DNAH7: variants seen among roughly 807,000 people sequenced by gnomAD.
DNAH7 encodes the protein axonemal beta dynein heavy chain 7.
A neutral mutation model predicts 444.6 loss-of-function variants in DNAH7; 397 were observed. That is an observed-to-expected ratio of 0.89 (90% CI 0.82 to 0.97). The LOEUF (loss-of-function observed/expected upper bound fraction) is 0.97. DNAH7 is among the 50% of genes least tolerant of loss of function. DNAH7 has a pLI of 0.00. For missense variants in DNAH7, 4,902 were observed against 4,800.8 expected, an observed-to-expected ratio of 1.02 and a Z score of -0.62; for synonymous variants, 1,636 against 1,624.4, an observed-to-expected ratio of 1.01 and a Z score of -0.17.
At chr2:195,936,991 T>C (rs1689098688) in intron 19 of DNAH7, among the ~76,000 whole-genome samples, 199 bp from the exon 20 acceptor site, 1 of 152,096 alleles carries the variant, frequency 6.6e-6, no homozygotes, top group Non-Finnish European at 1.5e-5. Context: ...TCACATTGAT[T>C]TAATCCTCAG....
intron 18 of DNAH7, among the ~76,000 whole-genome samples, chr2:195,959,885 C>A (rs1281105291): frequency 6.6e-6 from 1 of 152,024 alleles, no homozygotes; most frequent in Non-Finnish European, 1.5e-5. Flanking sequence ...TATTATCTTC[C>A]GTTCACAGAT....
chr2:195,903,709 A>T (rs79257673), intron 27 of DNAH7: 1 of 152,298 alleles, frequency 6.6e-6, no homozygotes, highest in East Asian at 1.9e-4. Flanking sequence ...CAAAATCTGC[A>T]AAGGAAATGT....
intron 48 of DNAH7, among the ~76,000 whole-genome samples, chr2:195,833,393 C>T (rs1478343078): frequency 6.6e-6 from 1 of 152,288 alleles, no homozygotes. Flanking sequence ...TCTTAATGTG[C>T]ACAAATAAGG....
rs770861172 is a variant in DNAH7 at position 195,857,582 on chromosome 2, C to T, written c.8209G>A (p.Gly2737Ser). 2 of 1,613,732 alleles carry T rather than the reference C, an allele frequency of 1.2e-6. No homozygotes were observed. Among genetic ancestry groups the T allele is most frequent in the Admixed American group, 1.7e-5 (1 of 59,968 alleles). The change falls in exon 44 of 65, where the codon GGC becomes AGC. Residue 2737 changes from glycine (G) to serine (S), a missense_variant. By Grantham distance (56) the Gly-to-Ser change is moderately conservative. Coordinates refer to ENST00000312428, the MANE Select transcript of DNAH7 (RefSeq NM_018897.3). ...TCACCAAGAAGTCTCTTAGCTGGGC[C>T]CCAGAAATCCTCAATTTTTTTCCCT... Reference protein sequence around the residue: ...GSGKKIEDFWGPAKRLLGDMR... With the variant: ...GSGKKIEDFWSPAKRLLGDMR...
At chr2:195,963,772 G>T (rs1464657185) in intron 17 of DNAH7, among the ~76,000 whole-genome samples, 1 of 152,150 alleles carries the variant, frequency 6.6e-6, no homozygotes, top group Non-Finnish European at 1.5e-5. Context: ...AATCCATTTT[G>T]ATTTGATTTT....
chr2:195,775,270 G>C (rs1695010590), intron 60 of DNAH7, among the ~76,000 whole-genome samples: 1 of 152,204 alleles, frequency 6.6e-6, no homozygotes, highest in Non-Finnish European at 1.5e-5. Flanking sequence ...CTCCAGGAGA[G>C]CTGCATCTAC....
intron 47 of DNAH7, among the ~76,000 whole-genome samples, chr2:195,843,867 C>T (rs573675407): frequency 3.9e-5 from 6 of 152,206 alleles, no homozygotes; most frequent in South Asian, 4.2e-4. Flanking sequence ...GAGGCTGAGG[C>T]GGGCACATCA....
intron 24 of DNAH7, among the ~76,000 whole-genome samples, chr2:195,912,886 C>G (rs1687445710): frequency 6.6e-6 from 1 of 152,186 alleles, no homozygotes; most frequent in South Asian, 2.1e-4. Flanking sequence ...CAAATTCAGG[C>G]TCTCAGCCTG....
chr2:195,953,726 CT>C (rs1690426840), intron 19 of DNAH7, among the ~76,000 whole-genome samples: 1 of 152,208 alleles, frequency 6.6e-6, no homozygotes, highest in African/African-American at 2.4e-5. Context: ...TTCCCAGCGG[CT>C]TTGTTTACAC....
At chr2:195,985,999 C>A (rs1321673347) in intron 14 of DNAH7, among the ~76,000 whole-genome samples, 1 of 152,172 alleles carries the variant, frequency 6.6e-6, no homozygotes, top group Admixed American at 6.5e-5. Context: ...CATTTTCACA[C>A]CTCACTGCCC....
At position 196,048,070 on chromosome 2, in the gene DNAH7, C is replaced by A. The variant is rs550058524; in HGVS notation, c.250+226G>T. 2.6e-5 allele frequency among the ~76,000 whole-genome samples: 4 copies of A among 152,280 alleles called. No individual in the cohort carries two copies. The South Asian group carries it at 8.3e-4, about 32-fold the overall frequency. On this transcript the variant is annotated intron_variant, in intron 4 of 64. Coordinates refer to ENST00000312428, the MANE Select transcript of DNAH7 (RefSeq NM_018897.3). ...CAATAAATAAACGTTTTAGTATCAACAACCCAATTCCTAAAATATCAGCTC... is the reference window on the plus strand; with the variant it reads ...CAATAAATAAACGTTTTAGTATCAAAAACCCAATTCCTAAAATATCAGCTC...
At chr2:195,780,008 TTTTA>T (rs1322094145) in intron 58 of DNAH7, among the ~76,000 whole-genome samples, 2 of 152,202 alleles carry the variant, frequency 1.3e-5, no homozygotes, top group African/African-American at 2.4e-5. Flanking sequence ...TTAAAAAGTA[TTTTA>T]TTATGTTCTT....
At chr2:196,011,352 GA>G (rs1307670010) in intron 10 of DNAH7, among the ~76,000 whole-genome samples, 1 of 152,042 alleles carries the variant, frequency 6.6e-6, no homozygotes, top group Admixed American at 6.6e-5. Context: ...ACAAAATCTT[GA>G]GGCAGAAGAA....
Position 196,045,334 on chromosome 2 carries a change from G to A in DNAH7, c.398+2018C>T, listed in dbSNP as rs1697051003. On this transcript the variant is annotated intron_variant, in intron 5 of 64. Coordinates refer to ENST00000312428, the MANE Select transcript of DNAH7 (RefSeq NM_018897.3). ...AAAAAAGAGGAAAGAATAAAAGAGGGAGGAAGGGAGGGAGGGAAGGAAGGA... is the reference window on the plus strand; with the variant it reads ...AAAAAAGAGGAAAGAATAAAAGAGGAAGGAAGGGAGGGAGGGAAGGAAGGA... Among the ~76,000 whole-genome samples, 7 of 151,520 alleles carry A rather than the reference G, an allele frequency of 4.6e-5. No homozygotes were observed. The South Asian group carries it at 1.0e-3, about 23-fold the overall frequency.
At chr2:195,966,798 T>C (rs1454638851) in intron 17 of DNAH7, among the ~76,000 whole-genome samples, 1 of 152,204 alleles carries the variant, frequency 6.6e-6, no homozygotes, top group African/African-American at 2.4e-5. Flanking sequence ...GCATGGAATA[T>C]ATTTTTTCAA....
chr2:196,013,829 A>C (rs1473839426), intron 9 of DNAH7, among the ~76,000 whole-genome samples: 1 of 152,218 alleles, frequency 6.6e-6, no homozygotes, highest in African/African-American at 2.4e-5. Flanking sequence ...TTAGCTTCCT[A>C]GTCAATGCTT....
chr2:195,858,749 C>T lies in DNAH7; in HGVS notation c.7792G>A (p.Ala2598Thr). The change falls in exon 43 of 65, where the codon GCT becomes ACT. Residue 2598 changes from alanine (A) to threonine (T), a missense_variant. Ala to Thr is a moderately conservative substitution (Grantham distance 58). Coordinates refer to ENST00000312428, the MANE Select transcript of DNAH7 (RefSeq NM_018897.3). ...YEVGLEKLDSASSQVATMQME... is the reference protein window; with the variant it reads ...YEVGLEKLDSTSSQVATMQME... ...TGCATTGTGGCTACTTGAGATGAAG[C>T]AGAATCCAGTTTCTCCAAACCCACT... 6.2e-7 allele frequency: 1 copy of T among 1,613,774 alleles called. No homozygotes were observed. The highest frequency in any genetic ancestry group is 8.5e-7 in the Non-Finnish European group (1 of 1,179,862).
rs1279409928 is a variant in DNAH7, at chr2:195,839,792, G to A, written c.8945+5210C>T. On this transcript the variant is annotated intron_variant, in intron 47 of 64. Transcript: ENST00000312428. ...AAACTGAGCAATTTCTGAAAAGACA[G>A]AAACTGCCAAAACTCACTTAGGAAG... Among the ~76,000 whole-genome samples the A allele has an allele frequency of 2.0e-5, 3 of 151,666 alleles. No homozygotes were observed. In the South Asian group the frequency reaches 6.2e-4, roughly 31 times the overall value.
chr2:196,039,856 C>A (rs1010033633), intron 5 of DNAH7, among the ~76,000 whole-genome samples: 7 of 148,312 alleles, frequency 4.7e-5, no homozygotes, highest in Non-Finnish European at 8.9e-5. Flanking sequence ...ATAAAATTGA[C>A]AAACCACTAA....
Sources: allele counts gnomAD v4.1 joint callset (sites outside exome capture counted in the v4.1 genomes callset), GRCh38; gene constraint gnomAD v4.1.1; transcripts MANE v1.5; gene names NCBI Gene and HGNC (gene_info 2026-07-23, HGNC 2026-07-21).